SLK: variants seen among roughly 807,000 people sequenced by gnomAD.
The protein encoded by SLK is STE20-like serine/threonine-protein kinase.
In SLK, 67 loss-of-function variants were observed where a neutral mutation model predicts 147.7. The ratio of observed to expected loss-of-function variants is 0.45; its 90% CI spans 0.37 to 0.56. The LOEUF (loss-of-function observed/expected upper bound fraction) is 0.56. Ranked by LOEUF, SLK falls within the 20% of genes least tolerant of loss-of-function variation. The pLI is 0.00. For synonymous variants in SLK, 441 were observed against 475.0 expected (o/e 0.93, Z 0.93); for missense variants, 1,136 against 1,438.8 (o/e 0.79, Z 3.41).
chr10:103,980,707 C>T lies in SLK; in HGVS notation c.151-9968C>T, dbSNP rs114685867. Among the ~76,000 whole-genome samples the T allele has an allele frequency of 9.2e-3, 1,394 of 152,216 alleles. 13 individuals are homozygous for T. Among genetic ancestry groups the T allele is most frequent in the African/African-American group, 0.032 (1,341 of 41,544 alleles). ...GAATAATATTTGTGGTATGTATATA[C>T]ACATTTTTCTTATCCACTCATCTAT... On this transcript the variant is annotated intron_variant, in intron 1 of 18. Coordinates refer to ENST00000369755, the MANE Select transcript of SLK (RefSeq NM_014720.4).
intron 1 of SLK, 120 bp downstream of exon 1, chr10:103,968,015 G>A (rs1843740915): frequency 2.9e-6 from 3 of 1,041,008 alleles, no homozygotes; most frequent in Admixed American, 2.6e-5. Context: ...GTTACGGTTC[G>A]ATGCAACTTT....
chr10:104,015,765 T>C (rs1261657131), intron 13 of SLK, among the ~76,000 whole-genome samples: 1 of 152,238 alleles, frequency 6.6e-6, no homozygotes, highest in East Asian at 1.9e-4. Context: ...TTTACTGTTT[T>C]AGTGGCACTG....
chr10:103,969,863 A>G (rs1165459279), intron 1 of SLK, among the ~76,000 whole-genome samples: 1 of 152,242 alleles, frequency 6.6e-6, no homozygotes, highest in African/African-American at 2.4e-5. Flanking sequence ...TTCTGTGAGT[A>G]TGTAATTAGC....
intron 1 of SLK, among the ~76,000 whole-genome samples, chr10:103,986,674 T>G (rs911139993): frequency 7.2e-6 from 1 of 138,688 alleles, no homozygotes; most frequent in South Asian, 2.5e-4. Context: ...AAGAGTTTTT[T>G]TTTTTTTTTT....
intron 1 of SLK, among the ~76,000 whole-genome samples, chr10:103,983,662 T>A (rs1843975052): frequency 1.0e-5 from 1 of 96,438 alleles, no homozygotes; most frequent in East Asian, 3.9e-4. Context: ...ATCACCCTTG[T>A]AGAGGTTTTT....
chr10:103,979,732 G>A (rs977969185), intron 1 of SLK, among the ~76,000 whole-genome samples: 10 of 152,068 alleles, frequency 6.6e-5, no homozygotes, highest in Admixed American at 2.0e-4. Flanking sequence ...ATTGATTTAT[G>A]GGGGTCATTA....
intron 1 of SLK, among the ~76,000 whole-genome samples, chr10:103,976,582 AT>A (rs1843873996): frequency 6.6e-6 from 1 of 151,060 alleles, no homozygotes; most frequent in Admixed American, 6.6e-5. Context: ...TATTTGCCCA[AT>A]TAAAAAAAAA....
intron 1 of SLK, among the ~76,000 whole-genome samples, chr10:103,987,291 TA>T (rs1179573105): frequency 1.3e-5 from 2 of 152,154 alleles, no homozygotes; most frequent in Non-Finnish European, 2.9e-5. Context: ...TAGTGTGAGT[TA>T]TTTTTCTTCC....
intron 1 of SLK, among the ~76,000 whole-genome samples, chr10:103,977,857 T>G (rs1055437515): frequency 6.6e-6 from 1 of 152,190 alleles, no homozygotes; most frequent in African/African-American, 2.4e-5. Context: ...ATTGAAGTTT[T>G]TCAATCCTAT....
intron 9 of SLK, among the ~76,000 whole-genome samples, 163 bp from the exon 10 acceptor site, chr10:104,005,398 A>T (rs1306879293): frequency 6.6e-6 from 1 of 152,240 alleles, no homozygotes; most frequent in Non-Finnish European, 1.5e-5. Context: ...AACTGGTTCC[A>T]CAGATGAGTC....
intron 4 of SLK, 39 bp downstream of exon 4, chr10:103,993,172 T>C: frequency 6.8e-7 from 1 of 1,472,184 alleles, no homozygotes; most frequent in South Asian, 1.2e-5. Context: ...GAATTTTTAC[T>C]CTGAAATTTC....
chr10:104,003,319 A>G lies in SLK; in HGVS notation c.2141A>G (p.Asn714Ser), dbSNP rs766421328. Residue 714 changes from asparagine to serine, a missense_variant, in exon 9 of 19, where the codon AAT (asparagine) becomes AGT (serine). Physicochemically the swap from Asn to Ser is conservative, Grantham distance 46. This residue lies in a region of SLK where 516 missense variants were observed against 531.3 expected (regional missense o/e 0.97). Transcript: ENST00000369755. ...CAGCCTGTTCTAATACCCAGTATTAATATCAACTCTGACAGTGGAGAAAAT... is the reference window on the plus strand; with the variant it reads ...CAGCCTGTTCTAATACCCAGTATTAGTATCAACTCTGACAGTGGAGAAAAT... ...EPQPVLIPSI[N>S]INSDSGENKE... 7 of 1,613,978 alleles carry G rather than the reference A, an allele frequency of 4.3e-6. No homozygotes were observed. The South Asian group carries it at 6.6e-5, about 15-fold the overall frequency.
chr10:103,969,694 T>G (rs879741032), intron 1 of SLK, among the ~76,000 whole-genome samples: 6 of 152,210 alleles, frequency 3.9e-5, no homozygotes, highest in Non-Finnish European at 5.9e-5. Flanking sequence ...TTCATTGTAG[T>G]GGGAAGATCA....
At chr10:104,006,819 T>C (rs1397172029) in intron 11 of SLK, among the ~76,000 whole-genome samples, 1 of 152,192 alleles carries the variant, frequency 6.6e-6, no homozygotes, top group Non-Finnish European at 1.5e-5. Context: ...AAGAAAATAG[T>C]GAACTTTTGT....
intron 7 of SLK, 150 bp from the exon 8 acceptor site, chr10:104,001,294 T>G (rs892453681): frequency 1.7e-6 from 1 of 601,872 alleles, no homozygotes; most frequent in African/African-American, 1.8e-5. Flanking sequence ...CCCTCTTTCT[T>G]TCTCAGATGT....
At chr10:103,989,507 C>T (rs1279772175) in intron 1 of SLK, among the ~76,000 whole-genome samples, 2 of 129,694 alleles carry the variant, frequency 1.5e-5, no homozygotes, top group African/African-American at 6.2e-5. Flanking sequence ...CTTGCTCTGT[C>T]ACCCAGACTG....
chr10:103,998,402 GT>G (rs1475666947), intron 4 of SLK, among the ~76,000 whole-genome samples: 2 of 152,104 alleles, frequency 1.3e-5, no homozygotes, highest in Admixed American at 1.3e-4. Flanking sequence ...TAATGTTACT[GT>G]TCTGTATAAT....
intron 7 of SLK, among the ~76,000 whole-genome samples, chr10:104,001,053 C>G (rs192986046): frequency 4.3e-4 from 38 of 87,822 alleles, no homozygotes; most frequent in African/African-American, 1.6e-3. Flanking sequence ...AGTGAGACTC[C>G]GTCTCAAAAA....
chr10:103,996,339 T>G (rs1844172230), intron 4 of SLK, among the ~76,000 whole-genome samples: 1 of 151,750 alleles, frequency 6.6e-6, no homozygotes, highest in South Asian at 2.1e-4. Context: ...CTAAAAGTTT[T>G]TTTTTTTTTT....
Sources: allele counts gnomAD v4.1 joint callset (sites outside exome capture counted in the v4.1 genomes callset), GRCh38; gene constraint gnomAD v4.1.1; regional missense constraint gnomAD v4.1.1; transcripts MANE v1.5; gene names NCBI Gene and HGNC (gene_info 2026-07-23, HGNC 2026-07-21).